The following SLC24A3 variants were observed in gnomAD, a reference collection of about 807,000 sequenced individuals.
The protein encoded by SLC24A3 is sodium/potassium/calcium exchanger 3.
In SLC24A3, 28 loss-of-function variants were observed where a neutral mutation model predicts 75.8. The observed-to-expected ratio is 0.37, with a 90% CI of 0.27 to 0.51. The LOEUF is 0.51. Among genes scored for constraint, SLC24A3 ranks in the 20% least tolerant of loss-of-function variants. The pLI is 0.94. For missense variants in SLC24A3, 663 were observed against 847.8 expected, an observed-to-expected ratio of 0.78 and a Z score of 2.71; for synonymous variants, 372 against 334.1, an observed-to-expected ratio of 1.11 and a Z score of -1.24.
chr20:19,543,780 C>A (rs1321201039), intron 3 of SLC24A3, among the ~76,000 whole-genome samples: 2 of 152,096 alleles, frequency 1.3e-5, no homozygotes, highest in Admixed American at 1.3e-4. Flanking sequence ...GTGGTGGTAC[C>A]CTTATTTGCA....
At chr20:19,308,192 T>C (rs928363764) in intron 2 of SLC24A3, among the ~76,000 whole-genome samples, 10 of 152,194 alleles carry the variant, frequency 6.6e-5, no homozygotes, top group Non-Finnish European at 1.3e-4. Context: ...AATTCAGGGC[T>C]ATGAGGTTTT....
At chr20:19,534,430 T>TTTTGTTTGTTTTGA (rs373019537) in intron 3 of SLC24A3, among the ~76,000 whole-genome samples, 1 of 150,596 alleles carries the variant, frequency 6.6e-6, no homozygotes, top group Non-Finnish European at 1.5e-5. Flanking sequence ...TTTTGTTTTG[T>TTTTGTTTGTTTTGA]GACGGAGTCT....
chr20:19,629,843 T>C (rs1018136131), intron 6 of SLC24A3, among the ~76,000 whole-genome samples: 6 of 152,158 alleles, frequency 3.9e-5, no homozygotes, highest in Admixed American at 6.5e-5. Context: ...TTTTCTCAGA[T>C]AAATAAAAGC....
At chr20:19,675,006 C>T (rs1412846398) in intron 9 of SLC24A3, among the ~76,000 whole-genome samples, 2 of 152,106 alleles carry the variant, frequency 1.3e-5, no homozygotes, top group African/African-American at 2.4e-5. Context: ...GCTGAGATCG[C>T]GCCACCACTC....
intron 2 of SLC24A3, among the ~76,000 whole-genome samples, chr20:19,434,449 A>G (rs1305596959): frequency 1.3e-5 from 2 of 152,230 alleles, no homozygotes; most frequent in Non-Finnish European, 2.9e-5. Flanking sequence ...GAAAGTGGAC[A>G]CTGCAGGAAG....
chr20:19,554,203 G>A (rs947403713), intron 3 of SLC24A3, among the ~76,000 whole-genome samples: 2 of 151,986 alleles, frequency 1.3e-5, no homozygotes, highest in Non-Finnish European at 2.9e-5. Context: ...GAGAAAGAAA[G>A]TAAAATGTCA....
chr20:19,721,259 A>C lies in SLC24A3; in HGVS notation c.*119A>C. Reference sequence around the variant, plus strand: ...CGTTCGTCTCTCCTGTGCTGTCCTCAGGCCTCCGCTCCTGTTTTGGTGGCC... The same window carrying C: ...CGTTCGTCTCTCCTGTGCTGTCCTCCGGCCTCCGCTCCTGTTTTGGTGGCC... On this transcript the variant is annotated 3_prime_UTR_variant, in exon 17 of 17. Transcript: ENST00000328041. The C allele has an allele frequency of 7.6e-7, 1 of 1,316,408 alleles. No homozygotes were observed. The highest frequency in any genetic ancestry group is 2.3e-5 in the East Asian group (1 of 42,614). 81.5% of individuals were successfully genotyped at this position (1,316,408 alleles called of 1,614,324 possible). A position where few individuals can be genotyped will look rare whatever the true frequency, so the allele number is the denominator to read the frequency against.
chr20:19,479,270 G>A (rs1988013405), intron 2 of SLC24A3, among the ~76,000 whole-genome samples: 1 of 152,330 alleles, frequency 6.6e-6, no homozygotes, highest in African/African-American at 2.4e-5. Context: ...GCGAGCCACA[G>A]GTTAATTACT....
chr20:19,226,669 C>A (rs992808822), intron 1 of SLC24A3, among the ~76,000 whole-genome samples: 6 of 152,100 alleles, frequency 3.9e-5, no homozygotes, highest in Admixed American at 3.9e-4. Flanking sequence ...TGTACTGACT[C>A]CTTTAATCTC....
At chr20:19,707,981 G>T (rs2032947882) in intron 15 of SLC24A3, among the ~76,000 whole-genome samples, 1 of 152,150 alleles carries the variant, frequency 6.6e-6, no homozygotes, top group South Asian at 2.1e-4. Context: ...GGTAAGTGTA[G>T]ATAGAGGAGA....
chr20:19,665,380 C>G (rs1000724444), intron 7 of SLC24A3, among the ~76,000 whole-genome samples: 1 of 151,614 alleles, frequency 6.6e-6, no homozygotes, highest in Non-Finnish European at 1.5e-5. Flanking sequence ...AAAAAAAAAT[C>G]AATTAAAAGA....
intron 7 of SLC24A3, among the ~76,000 whole-genome samples, chr20:19,656,370 C>G (rs1461553178): frequency 1.6e-5 from 2 of 122,620 alleles, no homozygotes; most frequent in Non-Finnish European, 3.6e-5. Context: ...GAACCCACCC[C>G]ACAGAGCAGA....
At chr20:19,552,119 T>C (rs2030706562) in intron 3 of SLC24A3, among the ~76,000 whole-genome samples, 1 of 152,230 alleles carries the variant, frequency 6.6e-6, no homozygotes, top group African/African-American at 2.4e-5. Context: ...TCTTTCATTG[T>C]TAGTACGTTC....
intron 13 of SLC24A3, chr20:19,696,469 T>C: frequency 4.5e-6 from 1 of 223,858 alleles, no homozygotes; most frequent in Non-Finnish European, 8.9e-6. Context: ...GGGCCACCCG[T>C]AGTTCAAATA....
chr20:19,670,659 A>G (rs1032590053), intron 8 of SLC24A3, among the ~76,000 whole-genome samples: 2 of 152,234 alleles, frequency 1.3e-5, no homozygotes, highest in African/African-American at 4.8e-5. Flanking sequence ...TCCCTTCAGA[A>G]CCTGGGAGCC....
At chr20:19,269,697 A>G (rs1240529327) in intron 1 of SLC24A3, among the ~76,000 whole-genome samples, 1 of 152,238 alleles carries the variant, frequency 6.6e-6, no homozygotes, top group Non-Finnish European at 1.5e-5. Context: ...AGTGTCATTC[A>G]GTATAATGGT....
intron 1 of SLC24A3, among the ~76,000 whole-genome samples, chr20:19,249,401 G>T (rs146867155): frequency 1.1e-4 from 16 of 152,252 alleles, no homozygotes; most frequent in Non-Finnish European, 2.4e-4. Flanking sequence ...TTTTCCTCAA[G>T]ACCACTTTCT....
chr20:19,329,760 G>A (rs1308775917), intron 2 of SLC24A3, among the ~76,000 whole-genome samples: 1 of 152,206 alleles, frequency 6.6e-6, no homozygotes, highest in Non-Finnish European at 1.5e-5. Context: ...AGGTGAGTTA[G>A]TTTGTGGTTG....
chr20:19,355,432 T>G lies in SLC24A3; in HGVS notation c.271+74345T>G, dbSNP rs1293534234. ...TAATTCCTGGGCTCAACATTCTCCA[T>G]CTGCTAAGATAAACAAGTGCAACTT... is the stretch of plus-strand genomic sequence containing the variant. On this transcript the variant is annotated intron_variant, in intron 2 of 16. Coordinates refer to ENST00000328041, the MANE Select transcript of SLC24A3 (RefSeq NM_020689.4). Among the ~76,000 whole-genome samples the G allele has an allele frequency of 2.0e-5, 3 of 152,206 alleles. No homozygotes were observed. The East Asian group carries it at 5.8e-4, about 29-fold the overall frequency.
Sources: allele counts gnomAD v4.1 joint callset (sites outside exome capture counted in the v4.1 genomes callset), GRCh38; gene constraint gnomAD v4.1.1; transcripts MANE v1.5; gene names NCBI Gene and HGNC (gene_info 2026-07-23, HGNC 2026-07-21).